MYO16: variants seen among roughly 807,000 people sequenced by gnomAD.
MYO16 encodes myosin XVI, also known as unconventional myosin-XVI.
In MYO16, 94 loss-of-function variants were observed where a neutral mutation model predicts 205.3. That is an observed-to-expected ratio of 0.46 (90% CI 0.39 to 0.54). The LOEUF (loss-of-function observed/expected upper bound fraction) is 0.54, where lower values mean the gene tolerates loss of function less well. Ranked by LOEUF, MYO16 falls within the 20% of genes least tolerant of loss-of-function variation. The pLI is 0.00. For synonymous variants in MYO16, 988 were observed against 954.0 expected (o/e 1.04, Z -0.66); for missense variants, 2,315 against 2,387.5 (o/e 0.97, Z 0.63).
intron 15 of MYO16, among the ~76,000 whole-genome samples, chr13:108,902,776 T>A (rs1026349356): frequency 3.9e-5 from 6 of 152,314 alleles, no homozygotes; most frequent in Middle Eastern, 3.4e-3. Context: ...CACACCCTAC[T>A]CCAGTATGAC....
In MYO16 at chr13:108,866,204, G is replaced by A. The variant is rs1566377305; in HGVS notation, c.1387G>A (p.Val463Ile). 1 of 1,601,766 alleles carries A rather than the reference G, an allele frequency of 6.2e-7. No individual in the cohort carries two copies. The highest frequency in any genetic ancestry group is 8.5e-7 in the Non-Finnish European group (1 of 1,173,070). The change falls in exon 12 of 35, where the codon GTT becomes ATT. Residue 463 changes from valine (V) to isoleucine (I), a missense_variant. Val to Ile is a conservative substitution (Grantham distance 29). Around this residue, in one of 3 missense-constraint regions of MYO16, gnomAD observed 1,213 missense variants for 1,274.4 expected, o/e 0.95. Transcript: ENST00000457511. ...ATTCATTGGAGACATTCTTTTGCTT[G>A]TTAACCCATACAAGGAGCTTCCAAT... ...YTFIGDILLL[V>I]NPYKELPIYS...
chr13:108,598,759 C>G (rs780699663), intron 1 of MYO16, among the ~76,000 whole-genome samples: 11 of 152,136 alleles, frequency 7.2e-5, no homozygotes, highest in Admixed American at 2.0e-4. Flanking sequence ...ATATCAAGTG[C>G]AAGAAATCCA....
chr13:108,933,778 A>G (rs1432736147), intron 16 of MYO16, among the ~76,000 whole-genome samples: 5 of 151,962 alleles, frequency 3.3e-5, no homozygotes, highest in South Asian at 2.1e-4. Flanking sequence ...GGTAGTCCCT[A>G]GTGTCTACCA....
chr13:108,962,352 G>A, intron 18 of MYO16, 72 bp from the exon 19 acceptor site: 1 of 1,190,268 alleles, frequency 8.4e-7, no homozygotes, highest in Non-Finnish European at 1.2e-6. Context: ...ATCAATTATG[G>A]CCATAAAATT....
intron 11 of MYO16, among the ~76,000 whole-genome samples, chr13:108,860,714 A>T (rs1878410805): frequency 6.6e-6 from 1 of 152,162 alleles, no homozygotes; most frequent in Non-Finnish European, 1.5e-5. Flanking sequence ...CTCTTCAATA[A>T]ATGGTGCTGG....
intron 28 of MYO16, among the ~76,000 whole-genome samples, chr13:109,118,830 G>A (rs1426458652): frequency 1.3e-5 from 2 of 151,736 alleles, no homozygotes; most frequent in Non-Finnish European, 2.9e-5. Context: ...AGATAAAATG[G>A]CAATACAATG....
chr13:108,807,131 G>A (rs529072007), intron 7 of MYO16, among the ~76,000 whole-genome samples: 2 of 152,204 alleles, frequency 1.3e-5, no homozygotes, highest in East Asian at 1.9e-4. Flanking sequence ...TAATAATTAT[G>A]TGTTTTCTAC....
In MYO16 at chr13:109,140,140, C is replaced by T; in HGVS notation, c.4052-124C>T. 1 of 1,457,502 alleles carries T rather than the reference C, an allele frequency of 6.9e-7. No homozygotes were observed. The highest frequency in any genetic ancestry group is 1.4e-5 in the South Asian group (1 of 72,016). 90.3% of individuals were successfully genotyped at this position (1,457,502 alleles called of 1,614,324 possible). On this transcript the variant is annotated intron_variant, in intron 31 of 34. Coordinates refer to ENST00000457511, the MANE Select transcript of MYO16 (RefSeq NM_001198950.3). This position sits in a 1 kb window ranked among gnomAD's most constrained non-coding sequence, Gnocchi z 8.0. ...GGAGCCTAGTGGGTGGAGGAACATG[C>T]AGGCCCGGTCCCTTGGGATTCTCGG... is the stretch of plus-strand genomic sequence containing the variant.
chr13:108,706,947 C>T (rs527351443), intron 2 of MYO16, among the ~76,000 whole-genome samples: 8 of 152,234 alleles, frequency 5.3e-5, no homozygotes, highest in East Asian at 1.9e-4. Context: ...GCTAATTGGC[C>T]CAAATTCCCT....
intron 32 of MYO16, among the ~76,000 whole-genome samples, chr13:109,150,049 G>A (rs1232932579): frequency 6.6e-6 from 1 of 152,134 alleles, no homozygotes; most frequent in African/African-American, 2.4e-5. Flanking sequence ...GCCTGCCCCA[G>A]ACCCACCAGA....
chr13:109,133,084 A>T (rs1240990325), intron 31 of MYO16, among the ~76,000 whole-genome samples: 8 of 152,240 alleles, frequency 5.3e-5, no homozygotes, highest in African/African-American at 1.9e-4. Flanking sequence ...TCCTCCCACC[A>T]GGAAAGAAAA....
intron 16 of MYO16, among the ~76,000 whole-genome samples, chr13:108,921,254 CT>C (rs1201182466): frequency 6.6e-6 from 1 of 152,180 alleles, no homozygotes; most frequent in Non-Finnish European, 1.5e-5. Context: ...TCCTCTGGGT[CT>C]GGAGTGACCA....
At chr13:108,863,516 C>T (rs992384029) in intron 11 of MYO16, among the ~76,000 whole-genome samples, 7 of 151,988 alleles carry the variant, frequency 4.6e-5, no homozygotes, top group African/African-American at 1.7e-4. Flanking sequence ...CAATTAGAAA[C>T]CAACCTTGCA....
chr13:108,867,856 A>G (rs995181171), intron 12 of MYO16, among the ~76,000 whole-genome samples: 2 of 152,088 alleles, frequency 1.3e-5, no homozygotes, highest in Admixed American at 1.3e-4. Context: ...TACAATTCCA[A>G]CTACTCTCGC....
chr13:108,597,287 A>G (rs1210757299), intron 1 of MYO16, among the ~76,000 whole-genome samples: 1 of 152,230 alleles, frequency 6.6e-6, no homozygotes, highest in Non-Finnish European at 1.5e-5. Flanking sequence ...GAAGGTTCAT[A>G]AGGAAAACCT....
intron 4 of MYO16, among the ~76,000 whole-genome samples, chr13:108,776,314 A>C (rs182269289): frequency 1.4e-4 from 21 of 152,126 alleles, no homozygotes; most frequent in Non-Finnish European, 2.8e-4. Context: ...AAACTAAGGC[A>C]TAGATTACAT....
chr13:108,717,324 T>C (rs896556137), intron 3 of MYO16, among the ~76,000 whole-genome samples: 6 of 151,558 alleles, frequency 4.0e-5, no homozygotes, highest in African/African-American at 1.2e-4. Context: ...GTGGAATTCA[T>C]GTAGCTGTTA....
intron 16 of MYO16, among the ~76,000 whole-genome samples, chr13:108,941,121 G>A (rs1882703885): frequency 6.6e-6 from 1 of 152,268 alleles, no homozygotes; most frequent in Admixed American, 6.5e-5. Flanking sequence ...AAACGAGTGA[G>A]ACACAGGCTG....
chr13:109,071,912 A>G (rs277853), intron 27 of MYO16, among the ~76,000 whole-genome samples: 1 of 152,002 alleles, frequency 6.6e-6, no homozygotes, highest in Non-Finnish European at 1.5e-5. Flanking sequence ...GCTAAGACCA[A>G]TGTTAATGCC....
Sources: allele counts gnomAD v4.1 joint callset (sites outside exome capture counted in the v4.1 genomes callset), GRCh38; gene constraint gnomAD v4.1.1; regional missense constraint gnomAD v4.1.1; non-coding constraint Gnocchi (gnomAD v3.1); transcripts MANE v1.5; gene names NCBI Gene and HGNC (gene_info 2026-07-23, HGNC 2026-07-21).